The following CHD9 variants were observed in gnomAD, a reference collection of about 807,000 sequenced individuals.
CHD9 encodes the protein chromodomain helicase DNA binding protein 9, also known as ATP-dependent chromatin remodeler CHD9.
Under a neutral mutation model 316.1 loss-of-function variants are expected in CHD9, and 77 were observed. The observed-to-expected ratio is 0.24, with a 90% CI of 0.20 to 0.29. CHD9 has a LOEUF of 0.29. Among genes scored for constraint, CHD9 ranks in the 10% least tolerant of loss-of-function variants. The probability of loss-of-function intolerance (pLI) is 1.00; values close to 1 mark genes in which losing one functional copy is unlikely to be tolerated. For missense variants in CHD9, 2,763 were observed against 3,438.1 expected, an observed-to-expected ratio of 0.80 and a Z score of 4.91; for synonymous variants, 1,129 against 1,158.3, an observed-to-expected ratio of 0.97 and a Z score of 0.51.
chr16:53,196,907 G>C (rs546384576), intron 2 of CHD9, among the ~76,000 whole-genome samples: 1 of 152,248 alleles, frequency 6.6e-6, no homozygotes, highest in South Asian at 2.1e-4. Flanking sequence ...AGATTTATGA[G>C]TTAATGATTA....
At chr16:53,210,962 TG>T (rs1399685542) in intron 3 of CHD9, among the ~76,000 whole-genome samples, 3 of 152,106 alleles carry the variant, frequency 2.0e-5, no homozygotes, top group Non-Finnish European at 2.9e-5. Flanking sequence ...CTTCTTTTAT[TG>T]TTTTTTTAGA....
intron 3 of CHD9, among the ~76,000 whole-genome samples, chr16:53,210,336 G>C (rs2046231075): frequency 6.6e-6 from 1 of 151,168 alleles, no homozygotes; most frequent in African/African-American, 2.4e-5. Context: ...AACAATAAGT[G>C]GTTGCCAGTT....
chr16:53,102,718 T>G (rs1358390424), intron 1 of CHD9, among the ~76,000 whole-genome samples: 1 of 152,080 alleles, frequency 6.6e-6, no homozygotes, highest in Non-Finnish European at 1.5e-5. Context: ...GGCATGGTGG[T>G]GCATGCCTGT....
intron 1 of CHD9, among the ~76,000 whole-genome samples, chr16:53,108,999 G>A (rs2037611930): frequency 6.6e-6 from 1 of 152,214 alleles, no homozygotes; most frequent in South Asian, 2.1e-4. Flanking sequence ...TTGAAGGAGA[G>A]GGGGTGTATC....
chr16:53,322,854 A>C (rs937364924), intron 38 of CHD9, among the ~76,000 whole-genome samples: 7 of 152,206 alleles, frequency 4.6e-5, no homozygotes, highest in Admixed American at 3.3e-4. Flanking sequence ...AAGGAAAAAA[A>C]TAGAACACAT....
chr16:53,306,422 A>T (rs761928804), intron 32 of CHD9, 25 bp downstream of exon 32: 8 of 1,539,322 alleles, frequency 5.2e-6, no homozygotes, highest in Non-Finnish European at 7.0e-6. Flanking sequence ...TCTTATTGGG[A>T]TAGGTCATTT....
At chr16:53,261,328 C>CATTT (rs1167515030) in intron 19 of CHD9, among the ~76,000 whole-genome samples, 2 of 138,918 alleles carry the variant, frequency 1.4e-5, no homozygotes, top group Admixed American at 7.3e-5. Context: ...CAGCAAGAAG[C>CATTT]ATTTAGCCTT....
At chr16:53,058,530 G>A (rs143304227) in intron 1 of CHD9, among the ~76,000 whole-genome samples, 168 of 152,336 alleles carry the variant, frequency 1.1e-3, no homozygotes, top group African/African-American at 3.8e-3. Context: ...AGCATGTACA[G>A]AGATAGCCAA....
intron 1 of CHD9, among the ~76,000 whole-genome samples, chr16:53,113,408 G>A (rs2038022345): frequency 6.8e-6 from 1 of 146,218 alleles, no homozygotes; most frequent in South Asian, 2.2e-4. Flanking sequence ...GCTCTCCTGG[G>A]CTCAAGCAAT....
chr16:53,287,277 C>A (rs981610620), intron 26 of CHD9, among the ~76,000 whole-genome samples: 2 of 152,092 alleles, frequency 1.3e-5, no homozygotes, highest in Non-Finnish European at 2.9e-5. Context: ...CAGCTTTTTT[C>A]GCATATTTTC....
chr16:53,257,837 T>C (rs2050743531), intron 19 of CHD9, among the ~76,000 whole-genome samples: 1 of 152,196 alleles, frequency 6.6e-6, no homozygotes, highest in Admixed American at 6.5e-5. Flanking sequence ...TAGTCATGAC[T>C]AAGTAGATGT....
chr16:53,261,373 T>C (rs1418264731), intron 19 of CHD9, among the ~76,000 whole-genome samples: 1 of 144,696 alleles, frequency 6.9e-6, no homozygotes, highest in Non-Finnish European at 1.5e-5. Context: ...TTTTTTTTTT[T>C]TTTTTTTTTT....
intron 1 of CHD9, among the ~76,000 whole-genome samples, chr16:53,116,604 G>T (rs982910285): frequency 6.6e-6 from 1 of 152,160 alleles, no homozygotes; most frequent in African/African-American, 2.4e-5. Flanking sequence ...GGAGAGATAG[G>T]AACGTTTTTA....
At chr16:53,226,298 G>A in intron 4 of CHD9, 68 bp from the exon 5 acceptor site, 2 of 1,090,624 alleles carry the variant, frequency 1.8e-6, no homozygotes, top group East Asian at 2.8e-5. Flanking sequence ...CAACTCTAGG[G>A]GTAATTATTT....
At chr16:53,060,492 T>C (rs1167030630) in intron 1 of CHD9, among the ~76,000 whole-genome samples, 3 of 152,012 alleles carry the variant, frequency 2.0e-5, no homozygotes, top group Non-Finnish European at 4.4e-5. Context: ...GATTGGTGGC[T>C]CACACCTGTA....
intron 1 of CHD9, among the ~76,000 whole-genome samples, chr16:53,122,797 C>T (rs1259799336): frequency 6.6e-6 from 1 of 152,058 alleles, no homozygotes; most frequent in Non-Finnish European, 1.5e-5. Context: ...AGCTCTGCCT[C>T]CTGGGTTCAT....
At chr16:53,207,734 A>T (rs907602555) in intron 2 of CHD9, among the ~76,000 whole-genome samples, 6 of 152,022 alleles carry the variant, frequency 3.9e-5, no homozygotes, top group East Asian at 3.8e-4. Flanking sequence ...TTGTTTTTTT[A>T]AAATATTGAT....
At chr16:53,078,060 T>C (rs2034700971) in intron 1 of CHD9, among the ~76,000 whole-genome samples, 1 of 152,090 alleles carries the variant, frequency 6.6e-6, no homozygotes. Context: ...GGCAACAAAA[T>C]GAAACCATGT....
At chr16:53,117,407 A>AAT (rs35017419) in intron 1 of CHD9, among the ~76,000 whole-genome samples, 43,854 of 148,356 alleles carry the variant, frequency 0.3, 6,782 homozygotes, top group African/African-American at 0.4. Context: ...TCTCTGACGT[A>AAT]ATATATATAT....
Sources: gnomAD v4.1 joint callset for allele counts (sites outside exome capture counted in the v4.1 genomes callset) on GRCh38, gnomAD v4.1.1 for gene constraint, MANE v1.5 for transcripts, NCBI Gene and HGNC (gene_info 2026-07-23, HGNC 2026-07-21) for gene names.